RALGAPA2: variants seen among roughly 807,000 people sequenced by gnomAD.
RALGAPA2 encodes the protein Ral GTPase activating protein catalytic subunit alpha 2.
RALGAPA2 carries 139 observed loss-of-function variants against 230.4 expected under a neutral mutation model. The observed-to-expected ratio is 0.60, with a 90% CI of 0.53 to 0.69. The LOEUF (loss-of-function observed/expected upper bound fraction) is 0.69. Ranked by LOEUF, RALGAPA2 falls within the 30% of genes least tolerant of loss-of-function variation. The probability of loss-of-function intolerance (pLI) is 0.00; values close to 1 mark genes in which losing one functional copy is unlikely to be tolerated. For missense variants in RALGAPA2, 2,163 were observed against 2,276.0 expected (o/e 0.95, Z 1.01); for synonymous variants, 847 against 837.8 (o/e 1.01, Z -0.19).
At chr20:20,460,752 AGCTCGT>A (rs1399780285) in intron 37 of RALGAPA2, among the ~76,000 whole-genome samples, 1 of 152,232 alleles carries the variant, frequency 6.6e-6, no homozygotes, top group African/African-American at 2.4e-5. Flanking sequence ...CTGGCGGTTC[AGCTCGT>A]GCACACATAT....
intron 37 of RALGAPA2, among the ~76,000 whole-genome samples, chr20:20,430,707 G>A (rs954466668): frequency 1.1e-4 from 17 of 152,090 alleles, no homozygotes; most frequent in Admixed American, 4.6e-4. Context: ...ACCTTTCGGA[G>A]TTCCCTGTGT....
At chr20:20,584,092 T>C (rs2065064050) in intron 19 of RALGAPA2, among the ~76,000 whole-genome samples, 1 of 152,216 alleles carries the variant, frequency 6.6e-6, no homozygotes, top group South Asian at 2.1e-4. Flanking sequence ...GTAGAACTCC[T>C]CTGCACCCAT....
At chr20:20,582,186 G>GTC (rs1256602613) in intron 20 of RALGAPA2, among the ~76,000 whole-genome samples, 1 of 151,880 alleles carries the variant, frequency 6.6e-6, no homozygotes, top group Non-Finnish European at 1.5e-5. Context: ...GTGTGTGTGT[G>GTC]TGTGTGTGTG....
chr20:20,609,332 G>A (rs745399015), intron 14 of RALGAPA2, among the ~76,000 whole-genome samples: 1 of 152,048 alleles, frequency 6.6e-6, no homozygotes, highest in South Asian at 2.1e-4. Flanking sequence ...CATCCTTCTC[G>A]ATCTACCTAA....
chr20:20,689,322 G>C (rs935949927), intron 1 of RALGAPA2, among the ~76,000 whole-genome samples: 2 of 152,154 alleles, frequency 1.3e-5, no homozygotes, highest in African/African-American at 4.8e-5. Flanking sequence ...ATAACTATGA[G>C]TAAATATTAC....
At chr20:20,619,780 T>C (rs2066265343) in intron 11 of RALGAPA2, among the ~76,000 whole-genome samples, 1 of 152,222 alleles carries the variant, frequency 6.6e-6, no homozygotes, top group African/African-American at 2.4e-5. Flanking sequence ...ATTAAAATTA[T>C]GGAACACAGA....
At chr20:20,470,012 T>C (rs1313121661) in intron 37 of RALGAPA2, among the ~76,000 whole-genome samples, 1 of 152,172 alleles carries the variant, frequency 6.6e-6, no homozygotes, top group African/African-American at 2.4e-5. Flanking sequence ...GAACCGTTCC[T>C]GAGGGTGCTT....
At position 20,521,100 on chromosome 20, in the gene RALGAPA2, C is replaced by T. The variant is rs1020169458; in HGVS notation, c.3901G>A (p.Val1301Ile). 1.3e-6 allele frequency: 2 copies of T among 1,599,752 alleles called. No homozygotes were observed. Among genetic ancestry groups the T allele is most frequent in the East Asian group, 2.2e-5 (1 of 44,468 alleles). The change falls in exon 31 of 40, where the codon GTT becomes ATT. Residue 1301 changes from valine (V) to isoleucine (I), a missense_variant and splice_region_variant. Transcript: ENST00000202677. ...GAGCCACACACACAGCAGTGCAAAA[C>T]CTGTGAAAACAGAGGCCATGTGCAC... ...RAPLLDYIYRVLHCCVCGSST... is the reference protein window; with the variant it reads ...RAPLLDYIYRILHCCVCGSST...
intron 37 of RALGAPA2, among the ~76,000 whole-genome samples, chr20:20,461,354 T>A (rs1344891437): frequency 6.6e-6 from 1 of 152,232 alleles, no homozygotes; most frequent in African/African-American, 2.4e-5. Flanking sequence ...TTATTAAAAT[T>A]GGTTTCTTTG....
intron 37 of RALGAPA2, among the ~76,000 whole-genome samples, chr20:20,428,374 T>C (rs2060430492): frequency 6.6e-6 from 1 of 152,150 alleles, no homozygotes; most frequent in African/African-American, 2.4e-5. Context: ...CAAATCATTC[T>C]CTTGCAAATT....
chr20:20,665,217 T>C (rs1244285460), intron 3 of RALGAPA2, among the ~76,000 whole-genome samples: 1 of 152,226 alleles, frequency 6.6e-6, no homozygotes, highest in African/African-American at 2.4e-5. Flanking sequence ...AGTGTGAATT[T>C]CCCATATCTT....
At chr20:20,532,076 G>A (rs2063381840) in intron 26 of RALGAPA2, among the ~76,000 whole-genome samples, 1 of 152,014 alleles carries the variant, frequency 6.6e-6, no homozygotes, top group Admixed American at 6.6e-5. Context: ...ACTTAGTTTT[G>A]TTGAAACTAA....
intron 9 of RALGAPA2, among the ~76,000 whole-genome samples, chr20:20,632,803 T>A (rs1211323515): frequency 1.3e-5 from 2 of 152,206 alleles, no homozygotes; most frequent in Non-Finnish European, 2.9e-5. Flanking sequence ...ATCTCCTTAG[T>A]CTATTTTTCA....
chr20:20,676,238 C>T lies in RALGAPA2; in HGVS notation c.268G>A (p.Glu90Lys). 6.5e-7 allele frequency: 1 copy of T among 1,534,460 alleles called. No individual in the cohort carries two copies. The highest frequency in any genetic ancestry group is 8.9e-7 in the Non-Finnish European group (1 of 1,120,058). Residue 90 changes from glutamate to lysine, a missense_variant and splice_region_variant, in exon 3 of 40, where the codon GAA (glutamate) becomes AAA (lysine). Glu to Lys is a moderately conservative substitution (Grantham distance 56). Coordinates refer to ENST00000202677, the MANE Select transcript of RALGAPA2 (RefSeq NM_020343.4). ...TAAATAAACTCATCAAAACTTACTT[C>T]AAAAAGGAAGAGGATGGAGTCCAGC... is the stretch of plus-strand genomic sequence containing the variant. ...EELDSILFLFEKILQFLPERI... is the reference protein window; with the variant it reads ...EELDSILFLFKKILQFLPERI...
intron 10 of RALGAPA2, among the ~76,000 whole-genome samples, chr20:20,626,549 C>T (rs1407729296): frequency 6.6e-6 from 1 of 152,176 alleles, no homozygotes; most frequent in Non-Finnish European, 1.5e-5. Flanking sequence ...TTAGAGCACA[C>T]TATTGCCAGG....
intron 39 of RALGAPA2, among the ~76,000 whole-genome samples, chr20:20,394,680 C>T (rs2059670636): frequency 6.6e-6 from 1 of 151,850 alleles, no homozygotes; most frequent in Non-Finnish European, 1.5e-5. Context: ...AAACAGGCTG[C>T]TTCTGACAAA....
intron 37 of RALGAPA2, among the ~76,000 whole-genome samples, chr20:20,452,235 A>G (rs185582975): frequency 8.5e-5 from 13 of 152,366 alleles, no homozygotes; most frequent in African/African-American, 3.1e-4. Flanking sequence ...CGTTTCATAC[A>G]CTTTCAGTAA....
intron 25 of RALGAPA2, among the ~76,000 whole-genome samples, chr20:20,536,028 G>A (rs2063490372): frequency 6.6e-6 from 1 of 152,182 alleles, no homozygotes; most frequent in South Asian, 2.1e-4. Flanking sequence ...TCAGCCCGCG[G>A]GAGTAGAGCG....
At chr20:20,502,676 A>T (rs979627149) in intron 35 of RALGAPA2, among the ~76,000 whole-genome samples, 3 of 152,078 alleles carry the variant, frequency 2.0e-5, no homozygotes, top group African/African-American at 7.2e-5. Flanking sequence ...TGTGGTAGGG[A>T]GAGAGTAAGG....
Sources: gnomAD v4.1 joint callset for allele counts (sites outside exome capture counted in the v4.1 genomes callset) on GRCh38, gnomAD v4.1.1 for gene constraint, MANE v1.5 for transcripts, NCBI Gene and HGNC (gene_info 2026-07-23, HGNC 2026-07-21) for gene names.